The following BCKDHB variants were observed in gnomAD, a reference collection of about 807,000 sequenced individuals.
The protein encoded by BCKDHB is 2-oxoisovalerate dehydrogenase subunit beta, mitochondrial.
A neutral mutation model predicts 48.5 loss-of-function variants in BCKDHB; 41 were observed. The ratio of observed to expected loss-of-function variants is 0.85; its 90% CI spans 0.66 to 1.10. The LOEUF (loss-of-function observed/expected upper bound fraction) is 1.10, where lower values mean the gene tolerates loss of function less well. BCKDHB is among the 50% of genes least tolerant of loss of function. The probability of loss-of-function intolerance (pLI) is 0.00; values close to 1 mark genes in which losing one functional copy is unlikely to be tolerated. For missense variants in BCKDHB, 496 were observed against 494.2 expected, an observed-to-expected ratio of 1.00 and a Z score of -0.03; for synonymous variants, 201 against 174.8, an observed-to-expected ratio of 1.15 and a Z score of -1.18.
At chr6:80,204,779 G>T (rs1774563611) in intron 8 of BCKDHB, among the ~76,000 whole-genome samples, 1 of 152,090 alleles carries the variant, frequency 6.6e-6, no homozygotes, top group Admixed American at 6.6e-5. Flanking sequence ...AAAGAGAGTA[G>T]AGTTAGGGGC....
chr6:80,286,945 G>T (rs1766653642), intron 9 of BCKDHB, among the ~76,000 whole-genome samples: 2 of 152,072 alleles, frequency 1.3e-5, no homozygotes, highest in African/African-American at 4.8e-5. Context: ...CTATCAAGTA[G>T]AGCTGGCATC....
intron 9 of BCKDHB, among the ~76,000 whole-genome samples, chr6:80,320,554 C>G (rs1044406325): frequency 5.3e-5 from 8 of 152,204 alleles, no homozygotes; most frequent in East Asian, 1.9e-4. Flanking sequence ...CAACTTCAGG[C>G]TCTACTTAAG....
At chr6:80,294,194 AAATTGTGAAGAT>A (rs1179070464) in intron 9 of BCKDHB, among the ~76,000 whole-genome samples, 1 of 152,198 alleles carries the variant, frequency 6.6e-6, no homozygotes, top group Non-Finnish European at 1.5e-5. Flanking sequence ...AGAGGAACAT[AAATTGTGAAGAT>A]TTCATGGACA....
chr6:80,414,748 G>C, the BCKDHB span, among the ~76,000 whole-genome samples: 11 of 152,212 alleles, frequency 7.2e-5, no homozygotes, highest in East Asian at 1.5e-3. Flanking sequence ...GCTCTTTATG[G>C]TTCCATAGAA....
intron 9 of BCKDHB, among the ~76,000 whole-genome samples, chr6:80,325,754 G>A (rs1768999963): frequency 6.6e-6 from 1 of 152,142 alleles, no homozygotes; most frequent in Non-Finnish European, 1.5e-5. Context: ...TGGGATTAAA[G>A]TTTGGGATTA....
intron 5 of BCKDHB, among the ~76,000 whole-genome samples, chr6:80,169,282 T>G (rs1221717527): frequency 6.6e-6 from 1 of 152,190 alleles, no homozygotes; most frequent in East Asian, 1.9e-4. Context: ...TTTTATAGAC[T>G]TCAAAGAATA....
Position 80,343,750 on chromosome 6 carries a change from C to T in BCKDHB, c.1125C>T (p.Tyr375=), listed in dbSNP as rs1335801480. ...TTCCTCACATTTTTGAACCATTCTACATCCCAGACAAATGGAAGTGTTATG... is the reference window on the plus strand; with the variant it reads ...TTCCTCACATTTTTGAACCATTCTATATCCCAGACAAATGGAAGTGTTATG... ...TPFPHIFEPF[Y]IPDKWKCYDA... Residue 375 remains tyrosine (Y), a synonymous_variant, in exon 10 of 10, where the codon TAC becomes TAT. Transcript: ENST00000320393. 1.2e-6 allele frequency: 2 copies of T among 1,613,906 alleles called. No homozygotes were observed. The highest frequency in any genetic ancestry group is 1.3e-5 in the African/African-American group (1 of 74,894).
intron 9 of BCKDHB, among the ~76,000 whole-genome samples, chr6:80,286,233 G>A (rs1328625224): frequency 6.6e-6 from 1 of 151,962 alleles, no homozygotes; most frequent in African/African-American, 2.4e-5. Flanking sequence ...AAAACAAGTG[G>A]GAATTAGGAA....
intron 1 of BCKDHB, among the ~76,000 whole-genome samples, chr6:80,113,587 C>T (rs142861217): frequency 2.4e-4 from 37 of 152,232 alleles, no homozygotes; most frequent in East Asian, 1.4e-3. Flanking sequence ...GAGAGGAAAA[C>T]GAGAAGAAAA....
chr6:80,403,351 G>T, the BCKDHB span, among the ~76,000 whole-genome samples: 4 of 151,684 alleles, frequency 2.6e-5, no homozygotes, highest in African/African-American at 9.7e-5. Context: ...TTATACCATT[G>T]TAAAAAATTG....
At chr6:80,313,319 C>T (rs932334159) in intron 9 of BCKDHB, among the ~76,000 whole-genome samples, 3 of 151,816 alleles carry the variant, frequency 2.0e-5, no homozygotes, top group Admixed American at 2.0e-4. Flanking sequence ...TTATTTGAAT[C>T]TTCTCTCTTT....
intron 6 of BCKDHB, among the ~76,000 whole-genome samples, chr6:80,196,494 A>G (rs1032408080): frequency 2.0e-5 from 3 of 152,122 alleles, no homozygotes; most frequent in Non-Finnish European, 2.9e-5. Flanking sequence ...TTATAAATCT[A>G]TTTCCATCTT....
the BCKDHB span, among the ~76,000 whole-genome samples, chr6:80,375,157 C>T: frequency 5.9e-5 from 9 of 152,152 alleles, no homozygotes; most frequent in Admixed American, 3.9e-4. Flanking sequence ...GATGAATTTC[C>T]CAGGTGTTCT....
intron 8 of BCKDHB, among the ~76,000 whole-genome samples, chr6:80,247,554 T>G (rs1776666843): frequency 6.6e-6 from 1 of 152,240 alleles, no homozygotes; most frequent in Admixed American, 6.5e-5. Context: ...TTCTGATTCC[T>G]CTTGTTCACT....
chr6:80,175,994 A>G (rs1302999826), intron 6 of BCKDHB, among the ~76,000 whole-genome samples: 3 of 152,210 alleles, frequency 2.0e-5, no homozygotes, highest in Non-Finnish European at 4.4e-5. Flanking sequence ...ACTTAGGTCC[A>G]TCTCTCACCA....
the BCKDHB span, among the ~76,000 whole-genome samples, chr6:80,455,434 G>A: frequency 2.6e-5 from 4 of 151,514 alleles, no homozygotes; most frequent in African/African-American, 9.7e-5. Flanking sequence ...GAACCTACCT[G>A]ACTTGAAAAC....
chr6:80,357,494 G>A, the BCKDHB span, among the ~76,000 whole-genome samples: 1 of 152,156 alleles, frequency 6.6e-6, no homozygotes. Context: ...AGCCTCTCTT[G>A]ACATAGAGAA....
chr6:80,303,612 G>A (rs1034277974), intron 9 of BCKDHB, among the ~76,000 whole-genome samples: 9 of 152,028 alleles, frequency 5.9e-5, no homozygotes, highest in African/African-American at 1.9e-4. Context: ...TTATAAATCC[G>A]TGTGAAATTA....
intron 8 of BCKDHB, among the ~76,000 whole-genome samples, chr6:80,214,746 C>T (rs949112977): frequency 3.3e-5 from 5 of 152,238 alleles, no homozygotes; most frequent in East Asian, 1.9e-4. Context: ...TATTCTAGGG[C>T]ATTATTATAA....
Sources: allele counts gnomAD v4.1 joint callset (sites outside exome capture counted in the v4.1 genomes callset), GRCh38; gene constraint gnomAD v4.1.1; transcripts MANE v1.5; gene names NCBI Gene and HGNC (gene_info 2026-07-23, HGNC 2026-07-21).